DPP10: variants seen among roughly 807,000 people sequenced by gnomAD.
DPP10 encodes the protein inactive dipeptidyl peptidase 10.
In DPP10, 33 loss-of-function variants were observed where a neutral mutation model predicts 120.9. The observed-to-expected ratio is 0.27, with a 90% confidence interval of 0.21 to 0.37. DPP10 has a LOEUF of 0.37. Among genes scored for constraint, DPP10 ranks in the 10% least tolerant of loss-of-function variants. DPP10 has a pLI of 1.00. For synonymous variants in DPP10, 337 were observed against 326.1 expected (o/e 1.03, Z -0.36); for missense variants, 816 against 942.8 (o/e 0.87, Z 1.76).
chr2:115,088,759 A>AAAAAAAAAAAAC (rs1553485540), intron 1 of DPP10, among the ~76,000 whole-genome samples: 3 of 149,818 alleles, frequency 2.0e-5, no homozygotes, highest in African/African-American at 4.9e-5. Context: ...ACAAAAAAAA[A>AAAAAAAAAAAAC]AAAAAAAAAA....
intron 1 of DPP10, among the ~76,000 whole-genome samples, chr2:115,097,250 A>T (rs2048447134): frequency 6.6e-6 from 1 of 152,194 alleles, no homozygotes; most frequent in South Asian, 2.1e-4. Flanking sequence ...CACTTAATAA[A>T]TGCTCTTCTA....
chr2:114,672,553 G>A (rs1462951144), intron 1 of DPP10, among the ~76,000 whole-genome samples: 1 of 152,154 alleles, frequency 6.6e-6, no homozygotes, highest in East Asian at 1.9e-4. Context: ...GGAGATAACA[G>A]ATGAAATATC....
chr2:114,606,776 T>A (rs1412061117), intron 1 of DPP10, among the ~76,000 whole-genome samples: 1 of 152,194 alleles, frequency 6.6e-6, no homozygotes, highest in East Asian at 1.9e-4. Flanking sequence ...CAGCAAGAGT[T>A]CTTGATATGT....
intron 1 of DPP10, among the ~76,000 whole-genome samples, chr2:115,077,662 C>A (rs564376923): frequency 6.6e-6 from 1 of 152,212 alleles, no homozygotes; most frequent in East Asian, 1.9e-4. Context: ...CCTTTAACTT[C>A]TTTTTCCTGA....
chr2:114,850,218 G>A (rs1688852522), intron 1 of DPP10, among the ~76,000 whole-genome samples: 3 of 151,488 alleles, frequency 2.0e-5, no homozygotes, highest in African/African-American at 4.9e-5. Flanking sequence ...GAAGAGATGG[G>A]GTTCCACCAT....
chr2:114,799,313 G>A (rs140320407), intron 1 of DPP10, among the ~76,000 whole-genome samples: 14 of 152,200 alleles, frequency 9.2e-5, no homozygotes, highest in African/African-American at 3.4e-4. Flanking sequence ...CACACACAAT[G>A]CATGCTGCTC....
intron 1 of DPP10, among the ~76,000 whole-genome samples, chr2:114,571,627 C>T (rs79883438): frequency 0.025 from 3,811 of 152,022 alleles, 149 homozygotes; most frequent in African/African-American, 0.087. Context: ...TGGTAGGGTA[C>T]GTCTCTACAG....
chr2:115,526,807 G>A (rs993165213), intron 5 of DPP10, among the ~76,000 whole-genome samples: 2 of 152,002 alleles, frequency 1.3e-5, no homozygotes, highest in African/African-American at 4.8e-5. Flanking sequence ...GCTATTTGAT[G>A]GCTTTAGTCT....
intron 19 of DPP10, among the ~76,000 whole-genome samples, chr2:115,812,348 T>A (rs1686735677): frequency 6.6e-6 from 1 of 152,190 alleles, no homozygotes; most frequent in Non-Finnish European, 1.5e-5. Flanking sequence ...CTGAAGAAGG[T>A]CTACTTCAAC....
At chr2:114,928,253 G>T (rs1025042319) in intron 1 of DPP10, among the ~76,000 whole-genome samples, 2 of 152,218 alleles carry the variant, frequency 1.3e-5, no homozygotes, top group African/African-American at 4.8e-5. Context: ...CTCAAGACAA[G>T]TTCCTTAGAG....
intron 3 of DPP10, 130 bp downstream of exon 3, chr2:115,344,042 A>T: frequency 1.9e-6 from 1 of 532,666 alleles, no homozygotes; most frequent in Non-Finnish European, 2.8e-6. Context: ...AGGCCAAGGC[A>T]GGAGAATCGC....
At chr2:114,479,100 C>T (rs1680779420) in intron 1 of DPP10, among the ~76,000 whole-genome samples, 1 of 148,956 alleles carries the variant, frequency 6.7e-6, no homozygotes, top group Non-Finnish European at 1.5e-5. Flanking sequence ...CTGAAAATGA[C>T]AAAATGCTGA....
chr2:115,593,121 A>G (rs2082774607), intron 5 of DPP10, among the ~76,000 whole-genome samples: 1 of 152,164 alleles, frequency 6.6e-6, no homozygotes, highest in African/African-American at 2.4e-5. Flanking sequence ...TATTGTTTAA[A>G]TCTTCTTTAG....
At chr2:115,211,637 T>G (rs893994436) in intron 1 of DPP10, among the ~76,000 whole-genome samples, 2 of 152,174 alleles carry the variant, frequency 1.3e-5, no homozygotes, top group African/African-American at 4.8e-5. Context: ...CAATTTTCTT[T>G]CATTTAATTT....
At chr2:115,396,240 A>T (rs919366306) in intron 3 of DPP10, among the ~76,000 whole-genome samples, 1 of 152,146 alleles carries the variant, frequency 6.6e-6, no homozygotes, top group Non-Finnish European at 1.5e-5. Flanking sequence ...GTGCCTTTTC[A>T]AGAAGAGTAT....
At chr2:115,611,264 T>C (rs2084078829) in intron 5 of DPP10, among the ~76,000 whole-genome samples, 1 of 152,192 alleles carries the variant, frequency 6.6e-6, no homozygotes, top group African/African-American at 2.4e-5. Flanking sequence ...ATTTTCCTCC[T>C]GGATACATAA....
intron 3 of DPP10, among the ~76,000 whole-genome samples, chr2:115,349,602 C>T (rs1038658115): frequency 2.0e-5 from 3 of 151,950 alleles, no homozygotes; most frequent in Non-Finnish European, 2.9e-5. Flanking sequence ...GTCTCATTCT[C>T]ATAATATATG....
At chr2:114,622,022 T>C (rs145783002) in intron 1 of DPP10, among the ~76,000 whole-genome samples, 197 of 151,978 alleles carry the variant, frequency 1.3e-3, no homozygotes, top group African/African-American at 4.5e-3. Flanking sequence ...ATTCAGCATA[T>C]AGAGGCTATA....
intron 1 of DPP10, among the ~76,000 whole-genome samples, chr2:115,068,653 C>T (rs75553594): frequency 2.0e-5 from 3 of 152,030 alleles, no homozygotes; most frequent in Admixed American, 6.6e-5. Flanking sequence ...AGACCAATGT[C>T]AAAAGGGGTT....
Sources: gnomAD v4.1 joint callset for allele counts (sites outside exome capture counted in the v4.1 genomes callset) on GRCh38, gnomAD v4.1.1 for gene constraint, MANE v1.5 for transcripts, NCBI Gene and HGNC (gene_info 2026-07-23, HGNC 2026-07-21) for gene names.